SORL1: variants seen among roughly 807,000 people sequenced by gnomAD.
SORL1 encodes the protein sortilin-related receptor.
Under a neutral mutation model 273.7 loss-of-function variants are expected in SORL1, and 127 were observed. The ratio of observed to expected loss-of-function variants is 0.46; its 90% CI spans 0.40 to 0.54. SORL1 has a LOEUF of 0.54. SORL1 is among the 20% of genes least tolerant of loss of function. The pLI is 0.00. For synonymous variants in SORL1, 1,031 were observed against 1,067.4 expected (o/e 0.97, Z 0.66); for missense variants, 2,494 against 2,846.1 (o/e 0.88, Z 2.81).
At chr11:121,504,819 T>C (rs1305216050) in intron 6 of SORL1, among the ~76,000 whole-genome samples, 4 of 152,212 alleles carry the variant, frequency 2.6e-5, no homozygotes, top group Non-Finnish European at 5.9e-5. Flanking sequence ...GATTTTTAAC[T>C]GTGAGGTTTT....
intron 2 of SORL1, among the ~76,000 whole-genome samples, chr11:121,472,900 C>T (rs1416025486): frequency 2.0e-5 from 3 of 150,164 alleles, no homozygotes; most frequent in African/African-American, 2.5e-5. Flanking sequence ...GTGGAGGTTG[C>T]GATGAGCTGA....
Position 121,589,239 on chromosome 11 carries a change from G to A in SORL1, c.3947-20G>A. On this transcript the variant is annotated intron_variant, in intron 28 of 47. Transcript: ENST00000260197. Reference sequence around the variant, plus strand: ...AGCATGGAAGTTCCTGGACTTCATGGATGTTTGTTCCCTCTGTAGCCCAAG... The same window carrying A: ...AGCATGGAAGTTCCTGGACTTCATGAATGTTTGTTCCCTCTGTAGCCCAAG... 1.2e-6 allele frequency: 2 copies of A among 1,611,882 alleles called. No individual in the cohort carries two copies. Among genetic ancestry groups the A allele is most frequent in the South Asian group, 1.1e-5 (1 of 90,976 alleles).
intron 21 of SORL1, among the ~76,000 whole-genome samples, chr11:121,560,519 T>G (rs1364050607): frequency 6.6e-6 from 1 of 152,246 alleles, no homozygotes; most frequent in African/African-American, 2.4e-5. Context: ...TTTCCCTCTT[T>G]ATCTCAGCAG....
chr11:121,576,888 T>G (rs754806523), intron 24 of SORL1: 1 of 1,535,690 alleles, frequency 6.5e-7, no homozygotes, highest in South Asian at 1.2e-5. Context: ...AACCACAGGC[T>G]GTGTCTGTAG....
Position 121,478,337 on chromosome 11 carries a change from C to A in SORL1, c.528+94C>A, listed in dbSNP as rs577517090. The A allele has an allele frequency of 2.9e-6, 4 of 1,385,402 alleles. No homozygotes were observed. The Admixed American group carries it at 9.4e-5, about 33-fold the overall frequency. 85.8% of individuals were successfully genotyped at this position (1,385,402 alleles called of 1,614,324 possible). A position where few individuals can be genotyped will look rare whatever the true frequency, so the allele number is the denominator to read the frequency against. On this transcript the variant is annotated intron_variant, in intron 3 of 47. Transcript: ENST00000260197. ...AGGGGGTGCTAGGAGATGGCGCTCT[C>A]TGTGATCTTTGTAGCATGACTGGTG...
At chr11:121,548,726 C>T (rs984774283) in intron 14 of SORL1, among the ~76,000 whole-genome samples, 1 of 152,036 alleles carries the variant, frequency 6.6e-6, no homozygotes, top group African/African-American at 2.4e-5. Context: ...GCCACCATGC[C>T]CAACTGATTT....
At chr11:121,508,275 C>T (rs1286192236) in intron 6 of SORL1, among the ~76,000 whole-genome samples, 1 of 152,196 alleles carries the variant, frequency 6.6e-6, no homozygotes, top group Admixed American at 6.5e-5. Context: ...TGAGCATACT[C>T]ACGGCTCTTA....
At chr11:121,566,571 A>G (rs1190811310) in intron 21 of SORL1, among the ~76,000 whole-genome samples, 1 of 151,988 alleles carries the variant, frequency 6.6e-6, no homozygotes, top group Non-Finnish European at 1.5e-5. Flanking sequence ...CAGAGTTTTG[A>G]CTTCCACACG....
At chr11:121,487,280 G>A (rs1487393378) in intron 3 of SORL1, among the ~76,000 whole-genome samples, 6 of 152,226 alleles carry the variant, frequency 3.9e-5, no homozygotes, top group Non-Finnish European at 8.8e-5. Context: ...CGTCTGGTCC[G>A]TGGTGGGAAT....
At position 121,545,410 on chromosome 11, in the gene SORL1, A is replaced by C; in HGVS notation, c.2032A>C (p.Thr678Pro). ...GGTGGTCGTGTCCAACTGCTCCTGC[A>C]CCCGGGAGGACTATGAGTGGTCAGT... ...RPVVVSNCSC[T>P]REDYECDFGF... Residue 678 changes from threonine (T) to proline (P), a missense_variant, in exon 14 of 48, where the codon ACC (threonine) becomes CCC (proline). Thr to Pro is a conservative substitution (Grantham distance 38). Coordinates refer to ENST00000260197, the MANE Select transcript of SORL1 (RefSeq NM_003105.6). 1 of 1,613,992 alleles carries C rather than the reference A, an allele frequency of 6.2e-7. No homozygotes were observed. Among genetic ancestry groups the C allele is most frequent in the Non-Finnish European group, 8.5e-7 (1 of 1,179,984 alleles).
At position 121,590,088 on chromosome 11, in the gene SORL1, G is replaced by A. The variant is rs1863186219; in HGVS notation, c.4127G>A (p.Cys1376Tyr). The A allele has an allele frequency of 1.2e-6, 2 of 1,614,094 alleles. No homozygotes were observed. The highest frequency in any genetic ancestry group is 1.7e-5 in the Admixed American group (1 of 60,008). ...TGCTCCCGCTACTTCCAGTTTCGGT[G>A]TGAGAATGGCCACTGCATCCCCAAC... is the stretch of plus-strand genomic sequence containing the variant. ...PNCSRYFQFRCENGHCIPNRW... is the reference protein window; with the variant it reads ...PNCSRYFQFRYENGHCIPNRW... Residue 1376 changes from cysteine (C) to tyrosine (Y), a missense_variant, in exon 30 of 48, where the codon TGT becomes TAT. Cys to Tyr is a radical substitution (Grantham distance 194). This residue lies in a region of SORL1 where 1,609 missense variants were observed against 1,816.4 expected (regional missense o/e 0.89). Coordinates refer to ENST00000260197, the MANE Select transcript of SORL1 (RefSeq NM_003105.6).
intron 25 of SORL1, among the ~76,000 whole-genome samples, chr11:121,578,064 T>G (rs1862962794): frequency 6.6e-6 from 1 of 152,198 alleles, no homozygotes; most frequent in Non-Finnish European, 1.5e-5. Context: ...TAATCATCAC[T>G]TTGTACCCCA....
At chr11:121,536,781 C>G (rs1329273037) in intron 12 of SORL1, among the ~76,000 whole-genome samples, 1 of 151,910 alleles carries the variant, frequency 6.6e-6, no homozygotes, top group Non-Finnish European at 1.5e-5. Flanking sequence ...CTTCAACAAG[C>G]GTTTATGAAT....
At chr11:121,524,215 C>G (rs146773805) in intron 11 of SORL1, among the ~76,000 whole-genome samples, 1 of 152,248 alleles carries the variant, frequency 6.6e-6, no homozygotes, top group Non-Finnish European at 1.5e-5. Flanking sequence ...GCTGGACGCT[C>G]CCTTTGAAAT....
intron 24 of SORL1, among the ~76,000 whole-genome samples, chr11:121,575,658 G>A (rs1862917691): frequency 6.6e-6 from 1 of 152,220 alleles, no homozygotes; most frequent in South Asian, 2.1e-4. Flanking sequence ...GCTCTTGGAA[G>A]GTTTTTAAAA....
chr11:121,478,604 A>G (rs1340625151), intron 3 of SORL1, among the ~76,000 whole-genome samples: 1 of 152,206 alleles, frequency 6.6e-6, no homozygotes. Context: ...CTAGGATACT[A>G]TCAGTGTGTC....
At chr11:121,535,383 A>G (rs1049537561) in intron 12 of SORL1, among the ~76,000 whole-genome samples, 13 of 152,252 alleles carry the variant, frequency 8.5e-5, no homozygotes, top group Non-Finnish European at 1.6e-4. Flanking sequence ...GGTCCATTAC[A>G]CAGACAACTG....
intron 12 of SORL1, among the ~76,000 whole-genome samples, chr11:121,536,080 G>A (rs1429415617): frequency 6.6e-6 from 1 of 152,162 alleles, no homozygotes; most frequent in Non-Finnish European, 1.5e-5. Context: ...TCTTCGCTGC[G>A]GTTTGCTTGT....
intron 12 of SORL1, among the ~76,000 whole-genome samples, chr11:121,538,952 C>T (rs1862307895): frequency 6.6e-6 from 1 of 152,212 alleles, no homozygotes; most frequent in Admixed American, 6.5e-5. Context: ...GCTGGGATTA[C>T]AGGCGTGAGC....
Sources: gnomAD v4.1 joint callset for allele counts (sites outside exome capture counted in the v4.1 genomes callset) on GRCh38, gnomAD v4.1.1 for gene constraint, gnomAD v4.1.1 regional missense constraint, MANE v1.5 for transcripts, NCBI Gene and HGNC (gene_info 2026-07-23, HGNC 2026-07-21) for gene names.